The following QTMAN variants were observed in gnomAD, a reference collection of about 807,000 sequenced individuals.
The protein encoded by QTMAN is tRNA-queuosine alpha-mannosyltransferase.
chr2:144,304,767 T>C, the QTMAN span, among the ~76,000 whole-genome samples: 1 of 152,220 alleles, frequency 6.6e-6, no homozygotes, highest in Non-Finnish European at 1.5e-5. Context: ...TAAAAGCTAT[T>C]TTAAAAAGTA....
At chr2:143,985,087 C>A in the QTMAN span, among the ~76,000 whole-genome samples, 24 of 152,344 alleles carry the variant, frequency 1.6e-4, no homozygotes, top group Admixed American at 4.6e-4. Context: ...CTGGGGGTCA[C>A]AGACACCTCC....
the QTMAN span, among the ~76,000 whole-genome samples, chr2:143,991,091 A>C: frequency 1.1e-4 from 16 of 152,242 alleles, no homozygotes; most frequent in Non-Finnish European, 1.9e-4. Context: ...AAAAGACATG[A>C]AAAATATGAA....
At chr2:144,011,736 T>G in the QTMAN span, 1 of 985,230 alleles carries the variant, frequency 1.0e-6, no homozygotes, top group Non-Finnish European at 1.2e-6. Context: ...CTGGCATTAA[T>G]TCAATGACGT....
At chr2:144,085,806 G>T in the QTMAN span, among the ~76,000 whole-genome samples, 1 of 152,242 alleles carries the variant, frequency 6.6e-6, no homozygotes, top group South Asian at 2.1e-4. Context: ...ACTCAAGACA[G>T]CTACATCTTC....
At chr2:144,009,008 C>A in the QTMAN span, among the ~76,000 whole-genome samples, 1 of 151,952 alleles carries the variant, frequency 6.6e-6, no homozygotes, top group Non-Finnish European at 1.5e-5. Context: ...AAATGAGGCA[C>A]ATGGGCACAG....
the QTMAN span, among the ~76,000 whole-genome samples, chr2:144,135,688 T>C: frequency 6.6e-6 from 1 of 152,204 alleles, no homozygotes; most frequent in South Asian, 2.1e-4. Flanking sequence ...ATAAATCATT[T>C]GTTCTTTACT....
At chr2:144,008,589 C>T in the QTMAN span, among the ~76,000 whole-genome samples, 1 of 152,082 alleles carries the variant, frequency 6.6e-6, no homozygotes, top group African/African-American at 2.4e-5. Context: ...AGTTCCTGAG[C>T]CCCATCCAGA....
the QTMAN span, among the ~76,000 whole-genome samples, chr2:144,026,043 T>C: frequency 5.3e-5 from 8 of 152,236 alleles, no homozygotes; most frequent in Admixed American, 2.6e-4. Flanking sequence ...TAATTTCTTC[T>C]GGTACTGTTA....
the QTMAN span, among the ~76,000 whole-genome samples, chr2:144,317,308 T>G: frequency 1.3e-5 from 2 of 149,708 alleles, no homozygotes; most frequent in African/African-American, 4.9e-5. Context: ...GGGACCCATT[T>G]AAATAGTCAC....
chr2:143,956,736 C>T, the QTMAN span, among the ~76,000 whole-genome samples: 1 of 152,136 alleles, frequency 6.6e-6, no homozygotes, highest in Non-Finnish European at 1.5e-5. Flanking sequence ...ACATGATCGA[C>T]TGTTCATGTG....
At chr2:144,014,499 G>A in the QTMAN span, among the ~76,000 whole-genome samples, 1 of 152,086 alleles carries the variant, frequency 6.6e-6, no homozygotes, top group Non-Finnish European at 1.5e-5. Flanking sequence ...GGAAAAACAG[G>A]ATCCACAGAG....
At chr2:144,141,137 A>G in the QTMAN span, among the ~76,000 whole-genome samples, 1 of 152,004 alleles carries the variant, frequency 6.6e-6, no homozygotes, top group Non-Finnish European at 1.5e-5. Context: ...AGTAAAAAAC[A>G]GCAGCGTCTC....
At chr2:144,027,601 A>G in the QTMAN span, among the ~76,000 whole-genome samples, 29 of 152,358 alleles carry the variant, frequency 1.9e-4, no homozygotes, top group African/African-American at 6.7e-4. Context: ...TTACAAGAGA[A>G]GCACACATAA....
the QTMAN span, among the ~76,000 whole-genome samples, chr2:144,318,898 T>C: frequency 6.6e-6 from 1 of 152,176 alleles, no homozygotes; most frequent in Non-Finnish European, 1.5e-5. Flanking sequence ...GCACCTCATT[T>C]CCCAGCACTG....
the QTMAN span, among the ~76,000 whole-genome samples, chr2:144,068,059 TTAAGA>T: frequency 6.6e-6 from 1 of 152,222 alleles, no homozygotes; most frequent in Non-Finnish European, 1.5e-5. Context: ...TGATGGTCCC[TTAAGA>T]TGATTCTCTT....
At chr2:144,172,011 A>G in the QTMAN span, among the ~76,000 whole-genome samples, 1 of 152,146 alleles carries the variant, frequency 6.6e-6, no homozygotes, top group South Asian at 2.1e-4. Flanking sequence ...AGAGTTTTCA[A>G]AGTATTTTCA....
chr2:143,962,151 AT>A, the QTMAN span, among the ~76,000 whole-genome samples: 1 of 152,098 alleles, frequency 6.6e-6, no homozygotes, highest in Non-Finnish European at 1.5e-5. Flanking sequence ...CAGCCAAGTG[AT>A]AAGTGATATA....
At chr2:144,258,193 C>A in the QTMAN span, among the ~76,000 whole-genome samples, 1 of 148,812 alleles carries the variant, frequency 6.7e-6, no homozygotes, top group Admixed American at 6.7e-5. Context: ...TAAAAAGATA[C>A]CCAGTTAATA....
the QTMAN span, among the ~76,000 whole-genome samples, chr2:144,222,583 G>A: frequency 2.0e-5 from 3 of 151,566 alleles, no homozygotes; most frequent in Non-Finnish European, 4.4e-5. Context: ...GAGGCGGGCG[G>A]ATCACAAGGT....
Sources: allele counts gnomAD v4.1 joint callset (sites outside exome capture counted in the v4.1 genomes callset), GRCh38; gene constraint gnomAD v4.1.1; transcripts MANE v1.5; gene names NCBI Gene and HGNC (gene_info 2026-07-23, HGNC 2026-07-21).